Variants in SRL observed in about 807,000 individuals in gnomAD.
SRL encodes sarcalumenin.
Under a neutral mutation model 39.5 loss-of-function variants are expected in SRL, and 23 were observed. That is an observed-to-expected ratio of 0.58 (90% CI 0.42 to 0.82). The LOEUF is 0.82. SRL is among the 40% of genes least tolerant of loss of function. The probability of loss-of-function intolerance (pLI) is 0.00; values close to 1 mark genes in which losing one functional copy is unlikely to be tolerated. For missense variants in SRL, 592 were observed against 607.8 expected (o/e 0.97, Z 0.27); for synonymous variants, 272 against 237.4 (o/e 1.15, Z -1.34).
chr16:4,221,324 G>A (rs1000473877), intron 1 of SRL, among the ~76,000 whole-genome samples: 3 of 152,222 alleles, frequency 2.0e-5, no homozygotes, highest in African/African-American at 7.2e-5. Flanking sequence ...TAGGATTACA[G>A]ACGTGAGCCA....
chr16:4,202,572 G>A (rs531660275), intron 3 of SRL, among the ~76,000 whole-genome samples: 54 of 148,726 alleles, frequency 3.6e-4, no homozygotes, highest in African/African-American at 1.3e-3. Context: ...CAGTATGAGT[G>A]ACAGAGCGAG....
intron 1 of SRL, among the ~76,000 whole-genome samples, chr16:4,228,726 C>T (rs2052625088): frequency 1.3e-5 from 2 of 151,164 alleles, no homozygotes; most frequent in African/African-American, 4.9e-5. Context: ...CAGAGCAAGA[C>T]TCCGTCTCAA....
At chr16:4,219,450 C>T (rs973075946) in intron 1 of SRL, among the ~76,000 whole-genome samples, 3 of 152,058 alleles carry the variant, frequency 2.0e-5, no homozygotes, top group Non-Finnish European at 2.9e-5. Context: ...GTCAGGCTGG[C>T]GCCCTGAGCA....
chr16:4,220,749 G>A (rs2052518706), intron 1 of SRL, among the ~76,000 whole-genome samples: 1 of 152,142 alleles, frequency 6.6e-6, no homozygotes, highest in South Asian at 2.1e-4. Context: ...ATAACTCTGG[G>A]TGGCTGAGGC....
chr16:4,208,506 T>TGCAGCTGGGCTCAACCTTGGA (rs2052354581), intron 1 of SRL, among the ~76,000 whole-genome samples: 1 of 152,118 alleles, frequency 6.6e-6, no homozygotes, highest in Middle Eastern at 3.2e-3. Flanking sequence ...CACGGGCGTG[T>TGCAGCTGGGCTCAACCTTGGA]GCAGCTGGGC....
intron 1 of SRL, among the ~76,000 whole-genome samples, chr16:4,236,323 G>T (rs981141568): frequency 3.9e-5 from 6 of 151,992 alleles, no homozygotes; most frequent in South Asian, 2.1e-4. Flanking sequence ...AATCCTGCTG[G>T]CCACTCGCCC....
chr16:4,231,578 A>C (rs2052660497), intron 1 of SRL, among the ~76,000 whole-genome samples: 1 of 151,542 alleles, frequency 6.6e-6, no homozygotes, highest in Admixed American at 6.6e-5. Flanking sequence ...CTTTCTCTGC[A>C]CTCTCAGGCT....
intron 1 of SRL, among the ~76,000 whole-genome samples, chr16:4,237,060 AC>A (rs750484437): frequency 1.5e-3 from 224 of 149,850 alleles, no homozygotes; most frequent in Non-Finnish European, 2.8e-3. Context: ...TCCTGCCTCA[AC>A]CTCCCAAGTA....
In SRL at chr16:4,240,129, G is replaced by A. The variant is rs935015121; in HGVS notation, c.61+1878C>T. On this transcript the variant is annotated intron_variant, in intron 1 of 5. Coordinates refer to ENST00000399609, the MANE Select transcript of SRL (RefSeq NM_001098814.2). Reference sequence around the variant, plus strand: ...GAGGAGAAGCTCTGTGGGGTCCCTGGCCTAGGAAGCAGATGGGAGTGGTGA... The same window carrying A: ...GAGGAGAAGCTCTGTGGGGTCCCTGACCTAGGAAGCAGATGGGAGTGGTGA... Among the ~76,000 whole-genome samples the A allele has an allele frequency of 2.0e-5, 3 of 152,196 alleles. No individual in the cohort carries two copies. The East Asian group carries it at 5.8e-4, about 29-fold the overall frequency.
At chr16:4,220,926 C>T (rs1352974528) in intron 1 of SRL, among the ~76,000 whole-genome samples, 1 of 152,100 alleles carries the variant, frequency 6.6e-6, no homozygotes, top group Non-Finnish European at 1.5e-5. Context: ...TTCTAGGCTG[C>T]AGTGAGCTAT....
intron 4 of SRL, among the ~76,000 whole-genome samples, chr16:4,197,575 C>T (rs2052166687): frequency 2.0e-5 from 3 of 151,778 alleles, no homozygotes; most frequent in Admixed American, 2.0e-4. Flanking sequence ...GAACGTGTCA[C>T]CATGCTTAGC....
intron 1 of SRL, among the ~76,000 whole-genome samples, chr16:4,227,303 G>A (rs772476634): frequency 1.3e-4 from 20 of 150,834 alleles, no homozygotes; most frequent in Non-Finnish European, 2.2e-4. Flanking sequence ...GATGGATGAC[G>A]GATGGATGGG....
In SRL at chr16:4,192,033, A is replaced by G; in HGVS notation, c.*120T>C. On this transcript the variant is annotated 3_prime_UTR_variant, in exon 6 of 6. Transcript: ENST00000399609. The surrounding 1 kb of genome is among the most constrained non-coding windows in gnomAD (Gnocchi z 4.0). The stretch of plus-strand genomic sequence containing the variant: ...CGACCCCTGGCCTCAATGAACTCCC[A>G]ACTCTCCACTGTGTAATAATTCCTG... The G allele has an allele frequency of 3.4e-6, 4 of 1,170,528 alleles. No homozygotes were observed. Among genetic ancestry groups the G allele is most frequent in the Non-Finnish European group, 4.8e-6 (4 of 824,972 alleles). 72.5% of individuals were successfully genotyped at this position (1,170,528 alleles called of 1,614,324 possible). A position where few individuals can be genotyped will look rare whatever the true frequency, so the allele number is the denominator to read the frequency against.
chr16:4,234,809 C>A (rs1462464108), intron 1 of SRL, among the ~76,000 whole-genome samples: 2 of 152,200 alleles, frequency 1.3e-5, no homozygotes, highest in African/African-American at 2.4e-5. Flanking sequence ...AGAAGAGAAA[C>A]CCCTGCTATG....
intron 4 of SRL, among the ~76,000 whole-genome samples, 173 bp downstream of exon 4, chr16:4,197,626 C>T (rs1255014996): frequency 6.6e-6 from 1 of 151,492 alleles, no homozygotes; most frequent in Non-Finnish European, 1.5e-5. Flanking sequence ...GGGTTTTTGC[C>T]ATGTTGGCCA....
chr16:4,218,143 C>T (rs1312882671), intron 1 of SRL, among the ~76,000 whole-genome samples: 2 of 152,148 alleles, frequency 1.3e-5, no homozygotes, highest in Non-Finnish European at 2.9e-5. Flanking sequence ...CCTGATTCAC[C>T]AGCAACATCT....
chr16:4,226,188 C>G (rs1340390541), intron 1 of SRL, among the ~76,000 whole-genome samples: 1 of 152,212 alleles, frequency 6.6e-6, no homozygotes, highest in Non-Finnish European at 1.5e-5. Flanking sequence ...TCCATCGCAT[C>G]TACCACCTTC....
At chr16:4,211,315 G>GA (rs2052389308) in intron 1 of SRL, among the ~76,000 whole-genome samples, 1 of 152,218 alleles carries the variant, frequency 6.6e-6, no homozygotes, top group African/African-American at 2.4e-5. Context: ...CCCACGTTGG[G>GA]GGGGGTCTCC....
intron 1 of SRL, among the ~76,000 whole-genome samples, chr16:4,217,759 C>G (rs2052476613): frequency 6.6e-6 from 1 of 152,230 alleles, no homozygotes; most frequent in South Asian, 2.1e-4. Flanking sequence ...GAGCATCATT[C>G]TTTCCTAGAA....
Sources: allele counts gnomAD v4.1 joint callset (sites outside exome capture counted in the v4.1 genomes callset), GRCh38; gene constraint gnomAD v4.1.1; non-coding constraint Gnocchi (gnomAD v3.1); transcripts MANE v1.5; gene names NCBI Gene and HGNC (gene_info 2026-07-23, HGNC 2026-07-21).